RAD54B: variants seen among roughly 807,000 people sequenced by gnomAD.
RAD54B encodes the protein DNA repair and recombination protein RAD54B.
RAD54B carries 78 observed loss-of-function variants against 95.8 expected under a neutral mutation model. The observed-to-expected ratio is 0.81, with a 90% confidence interval of 0.68 to 0.98. RAD54B has a LOEUF of 0.98. Among genes scored for constraint, RAD54B ranks in the 50% least tolerant of loss-of-function variants. The pLI is 0.00. For missense variants in RAD54B, 957 were observed against 1,056.6 expected, an observed-to-expected ratio of 0.91 and a Z score of 1.31; for synonymous variants, 328 against 354.9, an observed-to-expected ratio of 0.92 and a Z score of 0.85.
At chr8:94,416,066 C>T (rs1811655261) in intron 3 of RAD54B, among the ~76,000 whole-genome samples, 1 of 149,022 alleles carries the variant, frequency 6.7e-6, no homozygotes. Flanking sequence ...CACATGCACA[C>T]GTATGTTTAT....
chr8:94,458,126 C>G, intron 3 of RAD54B, 142 bp downstream of exon 3: 2 of 724,746 alleles, frequency 2.8e-6, no homozygotes, highest in Non-Finnish European at 4.2e-6. Context: ...ATTATGACAA[C>G]AAAAAACCTG....
intron 1 of RAD54B, among the ~76,000 whole-genome samples, chr8:94,472,453 A>T (rs966719112): frequency 3.9e-5 from 6 of 152,256 alleles, no homozygotes; most frequent in African/African-American, 1.4e-4. Flanking sequence ...ATTTAAAACT[A>T]AAGATTTTAG....
chr8:94,425,816 G>GAAA, intron 3 of RAD54B, among the ~76,000 whole-genome samples: 1 of 132,882 alleles, frequency 7.5e-6, no homozygotes, highest in South Asian at 2.3e-4. Context: ...GTACTAAAAT[G>GAAA]AAAAAAAAAA....
chr8:94,436,204 G>C (rs1812255576), intron 3 of RAD54B, among the ~76,000 whole-genome samples: 2 of 152,108 alleles, frequency 1.3e-5, no homozygotes, highest in Admixed American at 1.3e-4. Flanking sequence ...TAAAGCTTAA[G>C]AAGTTTATGA....
intron 9 of RAD54B, among the ~76,000 whole-genome samples, chr8:94,393,153 T>A (rs540829382): frequency 1.4e-4 from 21 of 152,212 alleles, no homozygotes; most frequent in African/African-American, 4.1e-4. Context: ...TACTTTTTTT[T>A]ATAATAAATT....
rs545136206 is a variant in RAD54B at position 94,472,628 on chromosome 8, A to G, written c.-17+2373T>C. On this transcript the variant is annotated intron_variant, in intron 1 of 14. Coordinates refer to ENST00000336148, the MANE Select transcript of RAD54B (RefSeq NM_012415.3). ...TGTGAAAATTCTGACACTTTTTAAAAAGGAACACTTAAAAAATACAGTAGT... is the reference window on the plus strand; with the variant it reads ...TGTGAAAATTCTGACACTTTTTAAAGAGGAACACTTAAAAAATACAGTAGT... Among the ~76,000 whole-genome samples the G allele has an allele frequency of 3.3e-5, 5 of 152,328 alleles. No individual in the cohort carries two copies. In the East Asian group the frequency reaches 9.6e-4, roughly 29 times the overall value.
intron 4 of RAD54B, among the ~76,000 whole-genome samples, chr8:94,408,670 T>C (rs1395812303): frequency 6.6e-6 from 1 of 152,112 alleles, no homozygotes; most frequent in Non-Finnish European, 1.5e-5. Flanking sequence ...ACTTTTTAAT[T>C]GTAATGCTCT....
intron 3 of RAD54B, among the ~76,000 whole-genome samples, chr8:94,446,446 T>C (rs778784201): frequency 6.6e-6 from 1 of 152,100 alleles, no homozygotes; most frequent in Non-Finnish European, 1.5e-5. Context: ...AGAAAATATA[T>C]AAAGCAAGGG....
rs532395842 is a variant in RAD54B at position 94,385,302 on chromosome 8, A to T, written c.1985+1682T>A. ...ATTTCTTCCAAAACTCTTTTCACTC[A>T]TTATCCTTTGTCCAATGACAGCCAC... On this transcript the variant is annotated intron_variant, in intron 11 of 14. Coordinates refer to ENST00000336148, the MANE Select transcript of RAD54B (RefSeq NM_012415.3). Among the ~76,000 whole-genome samples, 121 of 151,922 alleles carry T rather than the reference A, an allele frequency of 8.0e-4. 1 individual carries two copies. Among genetic ancestry groups the T allele is most frequent in the Non-Finnish European group, 1.5e-3 (103 of 67,982 alleles).
In RAD54B at chr8:94,429,825, C is replaced by T. The variant is rs906472922; in HGVS notation, c.305-18510G>A. On this transcript the variant is annotated intron_variant, in intron 3 of 14. Transcript: ENST00000336148. ...AATCCAACCAATGAAATTAAGTAGT[C>T]AACATGCTAAAATAGTACCTTGAGT... The T allele has an allele frequency of 5.1e-6, 5 of 985,216 alleles. No individual in the cohort carries two copies. The African/African-American group carries it at 8.7e-5, about 17-fold the overall frequency. 61.0% of individuals were successfully genotyped at this position (985,216 alleles called of 1,614,324 possible).
chr8:94,450,503 G>A (rs1365091422), intron 3 of RAD54B, among the ~76,000 whole-genome samples: 2 of 152,192 alleles, frequency 1.3e-5, no homozygotes, highest in Non-Finnish European at 2.9e-5. Context: ...GGCTAAAAGA[G>A]TCATACACAA....
chr8:94,434,882 A>G (rs1289155765), intron 3 of RAD54B, among the ~76,000 whole-genome samples: 1 of 151,518 alleles, frequency 6.6e-6, no homozygotes, highest in East Asian at 1.9e-4. Flanking sequence ...TTCATATCCC[A>G]AAAGATTTTT....
At chr8:94,404,930 C>T (rs145619170) in intron 5 of RAD54B, among the ~76,000 whole-genome samples, 2,158 of 152,186 alleles carry the variant, frequency 0.014, 46 homozygotes, top group African/African-American at 0.048. Context: ...TCTCGTGCCT[C>T]AGCCTCCCAA....
intron 3 of RAD54B, chr8:94,429,433 G>GAATT (rs1812030039): frequency 7.6e-6 from 7 of 923,558 alleles, no homozygotes; most frequent in Non-Finnish European, 9.0e-6. Context: ...ACATCTCACA[G>GAATT]AATTAATGTT....
intron 4 of RAD54B, among the ~76,000 whole-genome samples, chr8:94,410,404 T>C (rs576268766): frequency 6.6e-6 from 1 of 152,322 alleles, no homozygotes; most frequent in East Asian, 1.9e-4. Context: ...AAATTATAAA[T>C]TATAATCATC....
At chr8:94,396,710 A>C (rs1353736315) in intron 8 of RAD54B, among the ~76,000 whole-genome samples, 1 of 152,160 alleles carries the variant, frequency 6.6e-6, no homozygotes, top group South Asian at 2.1e-4. Context: ...TTCAGCTCTT[A>C]ATTGTGGGCT....
At chr8:94,394,526 T>C (rs577375988) in intron 8 of RAD54B, among the ~76,000 whole-genome samples, 62 of 152,268 alleles carry the variant, frequency 4.1e-4, no homozygotes, top group African/African-American at 1.4e-3. Flanking sequence ...TAGACACTCA[T>C]TGAATGGCAC....
At chr8:94,437,287 A>C (rs3136424) in intron 3 of RAD54B, among the ~76,000 whole-genome samples, 1 of 152,344 alleles carries the variant, frequency 6.6e-6, no homozygotes, top group Non-Finnish European at 1.5e-5. Context: ...ATAAAAACAA[A>C]AGAGGAACTG....
At chr8:94,466,130 T>G (rs1235480305) in intron 2 of RAD54B, among the ~76,000 whole-genome samples, 1 of 152,204 alleles carries the variant, frequency 6.6e-6, no homozygotes, top group Non-Finnish European at 1.5e-5. Context: ...GCCACTTAAT[T>G]GTACACTTAA....
Sources: gnomAD v4.1 joint callset for allele counts (sites outside exome capture counted in the v4.1 genomes callset) on GRCh38, gnomAD v4.1.1 for gene constraint, MANE v1.5 for transcripts, NCBI Gene and HGNC (gene_info 2026-07-23, HGNC 2026-07-21) for gene names.